SLIT3: variants seen among roughly 807,000 people sequenced by gnomAD.
SLIT3 encodes slit guidance ligand 3.
SLIT3 carries 68 observed loss-of-function variants against 184.0 expected under a neutral mutation model. That is an observed-to-expected ratio of 0.37 (90% CI 0.30 to 0.45). The LOEUF is 0.45. SLIT3 is among the 20% of genes least tolerant of loss of function. The probability of loss-of-function intolerance (pLI) is 1.00; values close to 1 mark genes in which losing one functional copy is unlikely to be tolerated. For synonymous variants in SLIT3, 831 were observed against 828.6 expected (o/e 1.00, Z -0.05); for missense variants, 1,707 against 2,026.0 (o/e 0.84, Z 3.02).
chr5:169,011,728 A>G (rs780209108), intron 4 of SLIT3, among the ~76,000 whole-genome samples: 22 of 152,258 alleles, frequency 1.4e-4, no homozygotes, highest in African/African-American at 5.1e-4. Flanking sequence ...ACTCAACCAC[A>G]CTTGAAAAGT....
intron 4 of SLIT3, among the ~76,000 whole-genome samples, chr5:168,947,485 G>T (rs1231492352): frequency 6.6e-6 from 1 of 152,156 alleles, no homozygotes; most frequent in Non-Finnish European, 1.5e-5. Flanking sequence ...TGGGACTGTG[G>T]CCCAAAAAGG....
intron 4 of SLIT3, among the ~76,000 whole-genome samples, chr5:169,098,352 C>G (rs913530064): frequency 1.3e-5 from 2 of 152,216 alleles, no homozygotes; most frequent in Admixed American, 1.3e-4. Context: ...TATGCACAAT[C>G]ATAAGCACAT....
chr5:168,846,458 A>G (rs932633684), intron 5 of SLIT3, among the ~76,000 whole-genome samples: 1 of 152,144 alleles, frequency 6.6e-6, no homozygotes, highest in Admixed American at 6.5e-5. Flanking sequence ...CAGAGGTTCT[A>G]TGAAGGCAGT....
At chr5:168,762,106 A>G (rs1454359045) in intron 15 of SLIT3, among the ~76,000 whole-genome samples, 1 of 151,632 alleles carries the variant, frequency 6.6e-6, no homozygotes, top group Non-Finnish European at 1.5e-5. Context: ...TTTTTGATAA[A>G]CCAACACATC....
intron 32 of SLIT3, among the ~76,000 whole-genome samples, chr5:168,678,648 A>C (rs1200545265): frequency 1.3e-5 from 2 of 152,086 alleles, no homozygotes; most frequent in Non-Finnish European, 1.5e-5. Flanking sequence ...GCGCTACTGC[A>C]CTCCAGCCCG....
chr5:169,114,290 G>A (rs141657646), intron 4 of SLIT3, among the ~76,000 whole-genome samples: 205 of 152,282 alleles, frequency 1.3e-3, no homozygotes, highest in African/African-American at 4.6e-3. Context: ...CATCTGCCTG[G>A]GCCTCCTGAT....
chr5:168,911,203 G>A (rs1761241418), intron 4 of SLIT3, among the ~76,000 whole-genome samples: 1 of 152,110 alleles, frequency 6.6e-6, no homozygotes, highest in African/African-American at 2.4e-5. Context: ...CACTTGTGAA[G>A]GAATAATTAT....
chr5:168,835,073 C>T (rs1274392414), intron 6 of SLIT3, among the ~76,000 whole-genome samples: 1 of 152,132 alleles, frequency 6.6e-6, no homozygotes, highest in Non-Finnish European at 1.5e-5. Flanking sequence ...GGCTTCCATC[C>T]TGGATAACAC....
intron 4 of SLIT3, among the ~76,000 whole-genome samples, chr5:168,996,312 G>A (rs976198450): frequency 2.6e-5 from 4 of 152,152 alleles, no homozygotes; most frequent in African/African-American, 9.7e-5. Context: ...TCAACAGAGG[G>A]ACATCTGAGC....
At chr5:168,926,997 A>G (rs1761848336) in intron 4 of SLIT3, among the ~76,000 whole-genome samples, 1 of 152,218 alleles carries the variant, frequency 6.6e-6, no homozygotes, top group Non-Finnish European at 1.5e-5. Flanking sequence ...CAGAATTACC[A>G]TACGATCCAG....
rs1761188359 is a variant in SLIT3, at chr5:168,670,010, A to T, written c.4128-19T>A. On this transcript the variant is annotated intron_variant, in intron 34 of 35. Coordinates refer to ENST00000519560, the MANE Select transcript of SLIT3 (RefSeq NM_003062.4). ...GTGGCATCTAGGGGCAGAGAGGAGG[A>T]TGAGAAGGGAACTGGATCAGAGTTG... 6.2e-7 allele frequency: 1 copy of T among 1,609,480 alleles called. No homozygotes were observed. Among genetic ancestry groups the T allele is most frequent in the South Asian group, 1.1e-5 (1 of 90,632 alleles).
intron 3 of SLIT3, among the ~76,000 whole-genome samples, chr5:169,231,841 G>A (rs1237292235): frequency 6.6e-6 from 1 of 152,164 alleles, no homozygotes; most frequent in Non-Finnish European, 1.5e-5. Flanking sequence ...GATATTGTAA[G>A]TTTTAGCCAT....
chr5:169,044,332 G>T (rs942759107), intron 4 of SLIT3, among the ~76,000 whole-genome samples: 2 of 152,122 alleles, frequency 1.3e-5, no homozygotes, highest in East Asian at 1.9e-4. Flanking sequence ...ACAGAAACTT[G>T]CATATCATTG....
intron 12 of SLIT3, among the ~76,000 whole-genome samples, chr5:168,781,417 T>C (rs1418593904): frequency 6.6e-6 from 1 of 152,192 alleles, no homozygotes; most frequent in Non-Finnish European, 1.5e-5. Context: ...ATGACTAGCA[T>C]GGAATGATTC....
chr5:168,786,637 G>C (rs185340684), intron 11 of SLIT3, among the ~76,000 whole-genome samples: 4 of 152,018 alleles, frequency 2.6e-5, no homozygotes, highest in Admixed American at 1.3e-4. Context: ...TTTCTCTTAC[G>C]GGCCTCCAGT....
intron 4 of SLIT3, chr5:169,024,765 G>GT (rs2113502526): frequency 6.6e-6 from 1 of 152,286 alleles, no homozygotes; most frequent in Non-Finnish European, 1.5e-5. Flanking sequence ...CCCCTTGCCT[G>GT]TCTTTAAGGA....
chr5:168,707,902 G>C, intron 26 of SLIT3, 74 bp downstream of exon 26: 1 of 1,578,548 alleles, frequency 6.3e-7, no homozygotes, highest in African/African-American at 1.3e-5. Flanking sequence ...GCAGGGCATG[G>C]TGCCCCTCTC....
intron 5 of SLIT3, among the ~76,000 whole-genome samples, chr5:168,849,975 T>G (rs1328168875): frequency 6.6e-6 from 1 of 151,852 alleles, no homozygotes; most frequent in Non-Finnish European, 1.5e-5. Flanking sequence ...CTTTTGAAGG[T>G]TGTTTTTTTT....
intron 5 of SLIT3, among the ~76,000 whole-genome samples, chr5:168,872,192 T>C (rs41401345): frequency 0.067 from 10,129 of 152,194 alleles, 463 homozygotes; most frequent in Non-Finnish European, 0.1. Flanking sequence ...GTTGTGAAAA[T>C]GAAAGAATTT....
Sources: gnomAD v4.1 joint callset for allele counts (sites outside exome capture counted in the v4.1 genomes callset) on GRCh38, gnomAD v4.1.1 for gene constraint, MANE v1.5 for transcripts, NCBI Gene and HGNC (gene_info 2026-07-23, HGNC 2026-07-21) for gene names.